Variants in MLLT3 observed in about 807,000 individuals in gnomAD.
MLLT3 encodes the protein MLLT3 super elongation complex subunit, also known as protein AF-9.
In MLLT3, 4 loss-of-function variants were observed where a neutral mutation model predicts 53.2. The ratio of observed to expected loss-of-function variants is 0.08; its 90% CI spans 0.04 to 0.17. The LOEUF (loss-of-function observed/expected upper bound fraction) is 0.17. MLLT3 is among the 10% of genes least tolerant of loss of function. MLLT3 has a pLI of 1.00. For synonymous variants in MLLT3, 283 were observed against 230.6 expected (o/e 1.23, Z -2.06); for missense variants, 569 against 684.0 (o/e 0.83, Z 1.87).
In MLLT3 at chr9:20,414,045, A is replaced by G; in HGVS notation, c.801T>C (p.Ser267=). The change falls in exon 5 of 11, where the codon AGT becomes AGC. Residue 267 remains serine, a synonymous_variant. Transcript: ENST00000380338. ...GTCCACTGGTGATGGTGAGTAAGTT[A>G]CTATCTGGTTTTGGCTCTTTTGACA... ...KPMSKEPKPD[S]NLLTITSGQD... is the part of the protein sequence containing the mutation. 6.2e-7 allele frequency: 1 copy of G among 1,614,122 alleles called. No individual in the cohort carries two copies. The highest frequency in any genetic ancestry group is 1.1e-5 in the South Asian group (1 of 91,080).
intron 8 of MLLT3, among the ~76,000 whole-genome samples, chr9:20,359,578 C>T (rs1821265804): frequency 6.6e-6 from 1 of 152,164 alleles, no homozygotes; most frequent in Admixed American, 6.5e-5. Context: ...AACGGATTTG[C>T]ATTATAGACA....
At chr9:20,598,881 C>T (rs1820342293) in intron 2 of MLLT3, among the ~76,000 whole-genome samples, 2 of 152,136 alleles carry the variant, frequency 1.3e-5, no homozygotes, top group Admixed American at 1.3e-4. Context: ...TTCCTCAAAC[C>T]CTATTCTGCT....
intron 2 of MLLT3, among the ~76,000 whole-genome samples, chr9:20,599,987 G>T (rs1563838075): frequency 6.6e-6 from 1 of 151,922 alleles, no homozygotes; most frequent in South Asian, 2.1e-4. Context: ...TTCAGAAATT[G>T]CAAGAACACT....
rs529698109 is a variant in MLLT3 at position 20,581,939 on chromosome 9, G to C, written c.193+38715C>G. ...TTTCTCTCCTATTTTTGAAACCACA[G>C]AACAAAGTTCTATATCTGATGCTCA... On this transcript the variant is annotated intron_variant, in intron 2 of 10. Coordinates refer to ENST00000380338, the MANE Select transcript of MLLT3 (RefSeq NM_004529.4). Among the ~76,000 whole-genome samples the C allele has an allele frequency of 5.9e-5, 9 of 152,154 alleles. No individual in the cohort carries two copies. The South Asian group carries it at 1.9e-3, about 32-fold the overall frequency.
chr9:20,385,241 C>T (rs1444044137), intron 5 of MLLT3, among the ~76,000 whole-genome samples: 1 of 151,974 alleles, frequency 6.6e-6, no homozygotes, highest in Admixed American at 6.6e-5. Flanking sequence ...TAATTAGTCA[C>T]GTTCTGATAA....
At chr9:20,568,092 G>C (rs1296525885) in intron 2 of MLLT3, among the ~76,000 whole-genome samples, 1 of 152,172 alleles carries the variant, frequency 6.6e-6, no homozygotes, top group Non-Finnish European at 1.5e-5. Context: ...AAAGAGGGGT[G>C]TGTGTATGTG....
chr9:20,481,934 G>T (rs192707045), intron 2 of MLLT3, among the ~76,000 whole-genome samples: 136 of 152,288 alleles, frequency 8.9e-4, no homozygotes, highest in Non-Finnish European at 3.8e-4. Flanking sequence ...GGTCAGCTGG[G>T]TAGTAACAAA....
At chr9:20,468,749 T>C (rs548696568) in intron 2 of MLLT3, among the ~76,000 whole-genome samples, 6 of 152,254 alleles carry the variant, frequency 3.9e-5, no homozygotes, top group Admixed American at 2.0e-4. Flanking sequence ...ACATCTAAAA[T>C]CCTAACATTC....
chr9:20,519,301 T>C (rs540488035), intron 2 of MLLT3, among the ~76,000 whole-genome samples: 1 of 152,310 alleles, frequency 6.6e-6, no homozygotes, highest in South Asian at 2.1e-4. Flanking sequence ...TTAAAGACTT[T>C]TAACAATAGA....
chr9:20,357,292 T>C (rs1209644232), intron 8 of MLLT3, among the ~76,000 whole-genome samples: 1 of 152,210 alleles, frequency 6.6e-6, no homozygotes, highest in Non-Finnish European at 1.5e-5. Context: ...AGATGTGGTA[T>C]TTTGTTTTTG....
rs1822800084 is a variant in MLLT3 at position 20,414,032 on chromosome 9, T to C, written c.814A>G (p.Ile272Val). The C allele has an allele frequency of 6.2e-7, 1 of 1,614,192 alleles. No homozygotes were observed. The highest frequency in any genetic ancestry group is 8.5e-7 in the Non-Finnish European group (1 of 1,180,028). Residue 272 changes from isoleucine (I) to valine (V), a missense_variant, in exon 5 of 11, where the codon ATC becomes GTC. By Grantham distance (29) the Ile-to-Val change is conservative. This residue lies in a region of MLLT3 where 437 missense variants were observed against 376.5 expected (regional missense o/e 1.16). Coordinates refer to ENST00000380338, the MANE Select transcript of MLLT3 (RefSeq NM_004529.4). ...EPKPDSNLLT[I>V]TSGQDKKAPS... The stretch of plus-strand genomic sequence containing the variant: ...GCCTTCTTATCTTGTCCACTGGTGA[T>C]GGTGAGTAAGTTACTATCTGGTTTT...
At chr9:20,463,022 T>C (rs149699578) in intron 2 of MLLT3, among the ~76,000 whole-genome samples, 109 of 152,200 alleles carry the variant, frequency 7.2e-4, no homozygotes, top group South Asian at 5.2e-3. Flanking sequence ...TACATTTGTA[T>C]AGAGAACGTC....
At chr9:20,406,964 G>GT (rs995580716) in intron 5 of MLLT3, among the ~76,000 whole-genome samples, 11 of 152,126 alleles carry the variant, frequency 7.2e-5, no homozygotes, top group African/African-American at 2.7e-4. Context: ...TGCTTGCAAA[G>GT]TTTACAGTCA....
At chr9:20,532,636 A>C in intron 2 of MLLT3, 1 of 262,248 alleles carries the variant, frequency 3.8e-6, no homozygotes, top group Non-Finnish European at 7.3e-6. Flanking sequence ...GAAAGTGGTA[A>C]ATCTCCTGTT....
intron 8 of MLLT3, among the ~76,000 whole-genome samples, chr9:20,357,854 G>C (rs1358035762): frequency 2.0e-5 from 3 of 152,108 alleles, no homozygotes; most frequent in Non-Finnish European, 4.4e-5. Flanking sequence ...GGAAACTCAA[G>C]AGTGTTCCCA....
At chr9:20,569,529 TG>T (rs1819473219) in intron 2 of MLLT3, among the ~76,000 whole-genome samples, 1 of 152,158 alleles carries the variant, frequency 6.6e-6, no homozygotes, top group Admixed American at 6.6e-5. Context: ...GTCTCAGAGC[TG>T]TTAGAAAGAC....
intron 5 of MLLT3, among the ~76,000 whole-genome samples, chr9:20,376,454 T>A (rs999180942): frequency 6.6e-6 from 1 of 152,228 alleles, no homozygotes. Context: ...CTTACAGATA[T>A]AAAATCATCC....
At chr9:20,350,866 G>A (rs1470067912) in intron 10 of MLLT3, among the ~76,000 whole-genome samples, 1 of 152,092 alleles carries the variant, frequency 6.6e-6, no homozygotes, top group African/African-American at 2.4e-5. Flanking sequence ...ATTTTGGTCT[G>A]ATTATAATTT....
At chr9:20,503,790 G>T (rs1825309078) in intron 2 of MLLT3, among the ~76,000 whole-genome samples, 1 of 152,080 alleles carries the variant, frequency 6.6e-6, no homozygotes, top group Non-Finnish European at 1.5e-5. Context: ...AAAAATATAT[G>T]CAAACCATGC....
Sources: allele counts gnomAD v4.1 joint callset (sites outside exome capture counted in the v4.1 genomes callset), GRCh38; gene constraint gnomAD v4.1.1; regional missense constraint gnomAD v4.1.1; transcripts MANE v1.5; gene names NCBI Gene and HGNC (gene_info 2026-07-23, HGNC 2026-07-21).